The following RAD51B variants were observed in gnomAD, a reference collection of about 807,000 sequenced individuals.
The protein encoded by RAD51B is DNA repair protein RAD51 homolog 2.
A neutral mutation model predicts 42.2 loss-of-function variants in RAD51B; 38 were observed. The observed-to-expected ratio is 0.90, with a 90% CI of 0.70 to 1.18. RAD51B has a LOEUF of 1.18. Among genes scored for constraint, RAD51B ranks in the 50% most tolerant of loss-of-function variants. RAD51B has a pLI of 0.00. For missense variants in RAD51B, 373 were observed against 400.7 expected (o/e 0.93, Z 0.59); for synonymous variants, 154 against 145.2 (o/e 1.06, Z -0.43).
chr14:67,830,985 C>T (rs1021371459), intron 3 of RAD51B, among the ~76,000 whole-genome samples: 5 of 151,458 alleles, frequency 3.3e-5, no homozygotes, highest in South Asian at 4.2e-4. Context: ...AAGTGATTCT[C>T]CTGCGTTAGC....
intron 11 of RAD51B, among the ~76,000 whole-genome samples, chr14:68,668,424 G>A (rs1281613522): frequency 1.3e-5 from 2 of 152,170 alleles, no homozygotes; most frequent in East Asian, 1.9e-4. Context: ...TCCACTTCCC[G>A]GCCTCCCCTG....
intron 7 of RAD51B, among the ~76,000 whole-genome samples, chr14:68,185,861 C>G (rs185297252): frequency 6.6e-6 from 1 of 152,294 alleles, no homozygotes; most frequent in East Asian, 1.9e-4. Context: ...TGGCCCAGTT[C>G]CTAACAGGCC....
At chr14:68,077,631 A>G (rs1323256380) in intron 7 of RAD51B, among the ~76,000 whole-genome samples, 1 of 152,204 alleles carries the variant, frequency 6.6e-6, no homozygotes, top group African/African-American at 2.4e-5. Context: ...TATGAGTTGA[A>G]TATCTTATTT....
chr14:67,986,189 T>G (rs2075189411), intron 7 of RAD51B, among the ~76,000 whole-genome samples: 2 of 152,256 alleles, frequency 1.3e-5, no homozygotes, highest in South Asian at 4.1e-4. Context: ...TTCCCCACAC[T>G]TCTATGCACG....
chr14:68,142,295 C>CA (rs2078145625), intron 7 of RAD51B, among the ~76,000 whole-genome samples: 5 of 152,172 alleles, frequency 3.3e-5, no homozygotes, highest in Admixed American at 2.0e-4. Context: ...CCTCCACTCT[C>CA]AAACTCCTTT....
intron 7 of RAD51B, among the ~76,000 whole-genome samples, chr14:67,963,329 G>T (rs2074707437): frequency 6.6e-6 from 1 of 151,962 alleles, no homozygotes; most frequent in South Asian, 2.1e-4. Context: ...CAGTTGTCTG[G>T]AATAATGTCA....
chr14:68,275,886 A>G (rs2081215323), intron 7 of RAD51B, among the ~76,000 whole-genome samples: 1 of 150,422 alleles, frequency 6.6e-6, no homozygotes, highest in African/African-American at 2.5e-5. Flanking sequence ...TTTTGTCCTT[A>G]CTGCAAGAAC....
chr14:68,674,909 A>G (rs1299216173), intron 11 of RAD51B, among the ~76,000 whole-genome samples: 1 of 152,204 alleles, frequency 6.6e-6, no homozygotes, highest in Non-Finnish European at 1.5e-5. Context: ...GCCGCTGCTC[A>G]GCCTTGGGGG....
intron 7 of RAD51B, among the ~76,000 whole-genome samples, chr14:68,193,162 T>C (rs560066655): frequency 6.6e-6 from 1 of 152,314 alleles, no homozygotes; most frequent in East Asian, 1.9e-4. Flanking sequence ...GCACCCTTTA[T>C]AGCCTGGATA....
At chr14:68,477,080 C>T (rs1047395434) in intron 10 of RAD51B, among the ~76,000 whole-genome samples, 14 of 152,148 alleles carry the variant, frequency 9.2e-5, no homozygotes, top group Non-Finnish European at 1.0e-4. Flanking sequence ...AAGACATGAC[C>T]CCCTGAGGCT....
At chr14:68,037,824 T>A (rs892041052) in intron 7 of RAD51B, among the ~76,000 whole-genome samples, 3 of 152,250 alleles carry the variant, frequency 2.0e-5, no homozygotes, top group African/African-American at 7.2e-5. Flanking sequence ...TTTGTAGAGA[T>A]AAACAATGTA....
chr14:68,576,174 C>T (rs1288330140), intron 10 of RAD51B, among the ~76,000 whole-genome samples: 3 of 152,186 alleles, frequency 2.0e-5, no homozygotes, highest in East Asian at 3.8e-4. Context: ...CCCTCCTGAC[C>T]TCCAGCCTCC....
At chr14:67,842,686 C>G (rs2041469555) in intron 4 of RAD51B, among the ~76,000 whole-genome samples, 1 of 152,138 alleles carries the variant, frequency 6.6e-6, no homozygotes, top group African/African-American at 2.4e-5. Context: ...CTTTCTCTTG[C>G]CTGATTGCTC....
rs564642079 is a variant in RAD51B, at chr14:68,574,384, G to A, written c.1037-20101G>A. ...ATTACAGGTGTGAGCCACTGCACCC[G>A]GCCACAGCTACTTCCTTCACTATCA... is the stretch of plus-strand genomic sequence containing the variant. On this transcript the variant is annotated intron_variant, in intron 10 of 10. Transcript: ENST00000487270. 3.3e-5 allele frequency among the ~76,000 whole-genome samples: 5 copies of A among 152,192 alleles called. No individual in the cohort carries two copies. The East Asian group carries it at 5.8e-4, about 18-fold the overall frequency.
chr14:67,874,344 C>T (rs976671170), intron 5 of RAD51B, among the ~76,000 whole-genome samples: 6 of 152,232 alleles, frequency 3.9e-5, no homozygotes, highest in South Asian at 2.1e-4. Context: ...GCCCGTGGGC[C>T]GCATACAGCC....
intron 5 of RAD51B, among the ~76,000 whole-genome samples, chr14:67,874,767 A>G (rs1450807145): frequency 6.6e-6 from 1 of 152,094 alleles, no homozygotes; most frequent in Non-Finnish European, 1.5e-5. Flanking sequence ...AAATAGATTA[A>G]TCCAGTGACC....
At chr14:68,528,306 A>C (rs149921083) in intron 10 of RAD51B, among the ~76,000 whole-genome samples, 2 of 152,328 alleles carry the variant, frequency 1.3e-5, no homozygotes, top group Non-Finnish European at 2.9e-5. Flanking sequence ...AAACAAATTT[A>C]ATACTCAATT....
intron 9 of RAD51B, among the ~76,000 whole-genome samples, chr14:68,426,117 G>T (rs1325809016): frequency 6.6e-6 from 1 of 150,414 alleles, no homozygotes; most frequent in African/African-American, 2.5e-5. Context: ...TGCCTGGGCT[G>T]GAGTGCAATG....
chr14:68,525,833 A>T (rs1886891686), intron 10 of RAD51B, among the ~76,000 whole-genome samples: 1 of 152,178 alleles, frequency 6.6e-6, no homozygotes. Flanking sequence ...GCATGATAGA[A>T]CCATGACATG....
Sources: gnomAD v4.1 joint callset for allele counts (sites outside exome capture counted in the v4.1 genomes callset) on GRCh38, gnomAD v4.1.1 for gene constraint, MANE v1.5 for transcripts, NCBI Gene and HGNC (gene_info 2026-07-23, HGNC 2026-07-21) for gene names.